Variants in PRKD1 observed in about 807,000 individuals in gnomAD.
The protein encoded by PRKD1 is protein kinase D1, also known as serine/threonine-protein kinase D1.
In PRKD1, 63 loss-of-function variants were observed where a neutral mutation model predicts 95.9. That is an observed-to-expected ratio of 0.66 (90% CI 0.54 to 0.81). The LOEUF (loss-of-function observed/expected upper bound fraction) is 0.81, where lower values mean the gene tolerates loss of function less well. PRKD1 is among the 30% of genes least tolerant of loss of function. PRKD1 has a pLI of 0.00. For missense variants in PRKD1, 1,048 were observed against 1,165.3 expected, an observed-to-expected ratio of 0.90 and a Z score of 1.47; for synonymous variants, 425 against 423.1, an observed-to-expected ratio of 1.00 and a Z score of -0.05.
intron 1 of PRKD1, among the ~76,000 whole-genome samples, chr14:29,855,579 T>C (rs1177069424): frequency 6.6e-6 from 1 of 152,116 alleles, no homozygotes; most frequent in Non-Finnish European, 1.5e-5. Flanking sequence ...TGGGGGACTG[T>C]TGGGAAGGCA....
At chr14:29,860,504 T>C (rs905913021) in intron 1 of PRKD1, among the ~76,000 whole-genome samples, 25 of 152,142 alleles carry the variant, frequency 1.6e-4, no homozygotes, top group Admixed American at 7.8e-4. Flanking sequence ...AAACACTACA[T>C]TGAGATATCA....
chr14:29,756,540 C>T (rs187964299), intron 1 of PRKD1, among the ~76,000 whole-genome samples: 7 of 152,234 alleles, frequency 4.6e-5, no homozygotes, highest in Admixed American at 1.3e-4. Context: ...CTCTTTGGAA[C>T]GTTAAAGTAA....
intron 1 of PRKD1, among the ~76,000 whole-genome samples, chr14:29,816,938 G>A (rs1890716658): frequency 6.6e-6 from 1 of 151,850 alleles, no homozygotes; most frequent in Non-Finnish European, 1.5e-5. Context: ...CAGTATTTAG[G>A]GACATACTAG....
chr14:29,644,529 C>T (rs1395700108), intron 4 of PRKD1, among the ~76,000 whole-genome samples: 1 of 151,068 alleles, frequency 6.6e-6, no homozygotes, highest in African/African-American at 2.4e-5. Flanking sequence ...TTTAGTTTTT[C>T]AAAAGAAGCA....
chr14:29,597,398 A>G (rs541487936), intron 16 of PRKD1, 93 bp downstream of exon 16: 1 of 1,282,794 alleles, frequency 7.8e-7, no homozygotes, highest in East Asian at 2.6e-5. Flanking sequence ...ATGAGCATGT[A>G]TTAAGTTAAT....
At chr14:29,839,652 G>A (rs1296695482) in intron 1 of PRKD1, among the ~76,000 whole-genome samples, 1 of 151,986 alleles carries the variant, frequency 6.6e-6, no homozygotes, top group East Asian at 2.0e-4. Flanking sequence ...CTGCCCTGAA[G>A]CAAACTTCTG....
intron 1 of PRKD1, among the ~76,000 whole-genome samples, chr14:29,795,866 A>G (rs1242448462): frequency 6.6e-6 from 1 of 152,150 alleles, no homozygotes; most frequent in Admixed American, 6.6e-5. Context: ...AGTGCAGTTG[A>G]CTGCCTATTG....
At chr14:29,696,831 T>TTA in intron 2 of PRKD1, among the ~76,000 whole-genome samples, 1 of 152,110 alleles carries the variant, frequency 6.6e-6, no homozygotes. Context: ...TAATTTGTAA[T>TTA]TATGAAAATG....
At chr14:29,899,775 G>T (rs1306451179) in intron 1 of PRKD1, among the ~76,000 whole-genome samples, 1 of 152,192 alleles carries the variant, frequency 6.6e-6, no homozygotes. Context: ...CTTAGTATGT[G>T]CAAAGCACTA....
chr14:29,667,016 C>A (rs1260304123), intron 2 of PRKD1, among the ~76,000 whole-genome samples: 1 of 152,062 alleles, frequency 6.6e-6, no homozygotes, highest in Non-Finnish European at 1.5e-5. Flanking sequence ...GTGGTTTGTG[C>A]TGTTTTGTTG....
intron 1 of PRKD1, among the ~76,000 whole-genome samples, chr14:29,869,254 C>T (rs537219054): frequency 6.6e-6 from 1 of 152,028 alleles, no homozygotes; most frequent in South Asian, 2.1e-4. Flanking sequence ...ACCAGCCTGG[C>T]CAACATGGTG....
At chr14:29,707,361 T>C (rs1203812366) in intron 2 of PRKD1, among the ~76,000 whole-genome samples, 1 of 152,060 alleles carries the variant, frequency 6.6e-6, no homozygotes, top group African/African-American at 2.4e-5. Flanking sequence ...TAGTAAGGGA[T>C]GTAGTTATTT....
intron 1 of PRKD1, among the ~76,000 whole-genome samples, chr14:29,795,049 C>T (rs1448853597): frequency 6.6e-6 from 1 of 151,922 alleles, no homozygotes; most frequent in East Asian, 1.9e-4. Context: ...AATTACTTTT[C>T]GTGTTTTCAT....
intron 1 of PRKD1, among the ~76,000 whole-genome samples, chr14:29,912,315 AC>A (rs1274091079): frequency 2.0e-5 from 3 of 152,230 alleles, no homozygotes; most frequent in Admixed American, 1.3e-4. Flanking sequence ...TCAAAAAAAA[AC>A]AATTATTTAA....
chr14:29,821,598 A>G (rs574551634), intron 1 of PRKD1, among the ~76,000 whole-genome samples: 1 of 152,348 alleles, frequency 6.6e-6, no homozygotes, highest in East Asian at 1.9e-4. Flanking sequence ...TTATTTTAAA[A>G]GGAAGCATAA....
intron 2 of PRKD1, among the ~76,000 whole-genome samples, chr14:29,670,127 T>G (rs1204776445): frequency 6.6e-6 from 1 of 152,182 alleles, no homozygotes; most frequent in Non-Finnish European, 1.5e-5. Context: ...TGAGCTTATG[T>G]AAGTAAAGCA....
chr14:29,614,071 G>GT (rs1175798913), intron 13 of PRKD1, among the ~76,000 whole-genome samples: 2 of 152,088 alleles, frequency 1.3e-5, no homozygotes, highest in African/African-American at 4.8e-5. Context: ...CCATCCCCAA[G>GT]TTTGCTTTCA....
intron 1 of PRKD1, among the ~76,000 whole-genome samples, chr14:29,868,068 T>C (rs1892972465): frequency 6.6e-6 from 1 of 152,206 alleles, no homozygotes; most frequent in African/African-American, 2.4e-5. Flanking sequence ...AAAGATTAAA[T>C]TGCTCTGCGT....
At chr14:29,633,218 A>G (rs535226781) in intron 8 of PRKD1, among the ~76,000 whole-genome samples, 1 of 152,352 alleles carries the variant, frequency 6.6e-6, no homozygotes, top group East Asian at 1.9e-4. Context: ...TAGAAAGTGC[A>G]TAGTAAACAG....
Sources: gnomAD v4.1 joint callset for allele counts (sites outside exome capture counted in the v4.1 genomes callset) on GRCh38, gnomAD v4.1.1 for gene constraint, MANE v1.5 for transcripts, NCBI Gene and HGNC (gene_info 2026-07-23, HGNC 2026-07-21) for gene names.